The following WWTR1 variants were observed in gnomAD, a reference collection of about 807,000 sequenced individuals.
The protein encoded by WWTR1 is WW domain-containing transcription regulator protein 1.
A neutral mutation model predicts 40.1 loss-of-function variants in WWTR1; 13 were observed. The ratio of observed to expected loss-of-function variants is 0.32; its 90% confidence interval spans 0.21 to 0.52. WWTR1 has a LOEUF of 0.52. Among genes scored for constraint, WWTR1 ranks in the 20% least tolerant of loss-of-function variants. WWTR1 has a pLI of 0.97. For synonymous variants in WWTR1, 230 were observed against 210.1 expected (o/e 1.09, Z -0.82); for missense variants, 436 against 523.1 (o/e 0.83, Z 1.63).
chr3:149,595,625 A>C (rs1738964637), intron 2 of WWTR1, among the ~76,000 whole-genome samples: 1 of 152,204 alleles, frequency 6.6e-6, no homozygotes, highest in Non-Finnish European at 1.5e-5. Context: ...ATTTTATTAC[A>C]TAAAATGTGA....
intron 4 of WWTR1, among the ~76,000 whole-genome samples, chr3:149,533,122 T>A (rs1735668398): frequency 6.6e-6 from 1 of 152,146 alleles, no homozygotes; most frequent in African/African-American, 2.4e-5. Flanking sequence ...CCTTCCAGGG[T>A]CCCCTCTGTG....
intron 2 of WWTR1, among the ~76,000 whole-genome samples, chr3:149,663,079 C>T (rs1713652853): frequency 6.6e-6 from 1 of 152,138 alleles, no homozygotes. Flanking sequence ...GTCACCCAGG[C>T]TGGAGTGCAA....
chr3:149,610,105 T>C (rs1456176437), intron 2 of WWTR1, among the ~76,000 whole-genome samples: 1 of 152,234 alleles, frequency 6.6e-6, no homozygotes, highest in Non-Finnish European at 1.5e-5. Context: ...AAAGCATTTT[T>C]GTTTTCCCTT....
At chr3:149,666,513 A>G in intron 2 of WWTR1, among the ~76,000 whole-genome samples, 1 of 152,244 alleles carries the variant, frequency 6.6e-6, no homozygotes, top group South Asian at 2.1e-4. Flanking sequence ...GATTGAAGAC[A>G]TCTCAATCTA....
intron 2 of WWTR1, among the ~76,000 whole-genome samples, chr3:149,635,626 A>G (rs961969016): frequency 6.6e-6 from 1 of 151,744 alleles, no homozygotes; most frequent in Non-Finnish European, 1.5e-5. Flanking sequence ...AGGAGGAAGG[A>G]GAAAGGAGGA....
At chr3:149,555,814 C>T (rs1736802573) in intron 3 of WWTR1, among the ~76,000 whole-genome samples, 2 of 152,218 alleles carry the variant, frequency 1.3e-5, no homozygotes, top group South Asian at 4.1e-4. Context: ...AGGTCCCTGC[C>T]CTGTAGGAGA....
rs758013561 is a variant in WWTR1 at position 149,652,620 on chromosome 3, C to CAAAAAAAAAAAAAAAA, written c.431+4240_431+4255dup. On this transcript the variant is annotated intron_variant, in intron 2 of 6. Coordinates refer to ENST00000360632, the MANE Select transcript of WWTR1 (RefSeq NM_015472.6). Reference sequence around the variant, plus strand: ...TGGGTGACAGAGACAGACCCCATCTCAAAAAAAAAAAAAAAAAAAAAAAAA... The same window carrying CAAAAAAAAAAAAAAAA: ...TGGGTGACAGAGACAGACCCCATCTCAAAAAAAAAAAAAAAAAAAAAAAAAAAAAAAAAAAAAAAAA... Among the ~76,000 whole-genome samples, 4 of 20,230 alleles carry CAAAAAAAAAAAAAAAA rather than the reference C, an allele frequency of 2.0e-4. 1 individual carries two copies. The highest frequency in any genetic ancestry group is 3.0e-4 in the Non-Finnish European group (3 of 9,894). 13.3% of individuals were successfully genotyped at this position (20,230 alleles called of 152,430 possible).
At chr3:149,537,898 A>G (rs1735908006) in intron 4 of WWTR1, among the ~76,000 whole-genome samples, 1 of 152,138 alleles carries the variant, frequency 6.6e-6, no homozygotes, top group Non-Finnish European at 1.5e-5. Flanking sequence ...GCTAATCACT[A>G]AAGTAACTCA....
chr3:149,588,477 C>A (rs1249924567), intron 2 of WWTR1, among the ~76,000 whole-genome samples: 2 of 152,136 alleles, frequency 1.3e-5, no homozygotes, highest in African/African-American at 2.4e-5. Flanking sequence ...TTGTTTCTAT[C>A]TTTAGTGTAT....
chr3:149,692,003 G>A (rs1459293501), intron 1 of WWTR1, among the ~76,000 whole-genome samples: 3 of 151,820 alleles, frequency 2.0e-5, no homozygotes, highest in South Asian at 2.1e-4. Flanking sequence ...GTGACAGAGC[G>A]AGACTCCGTC....
Position 149,519,252 on chromosome 3 carries a change from T to C in WWTR1, c.*1553A>G, listed in dbSNP as rs921158441. 6.6e-6 allele frequency: 1 copy of C among 152,206 alleles called. No individual in the cohort carries two copies. Among genetic ancestry groups the C allele is most frequent in the African/African-American group, 2.4e-5 (1 of 41,444 alleles). 9.4% of individuals were successfully genotyped at this position (152,206 alleles called of 1,614,324 possible). On this transcript the variant is annotated 3_prime_UTR_variant, in exon 7 of 7. Coordinates refer to ENST00000360632, the MANE Select transcript of WWTR1 (RefSeq NM_015472.6). Reference sequence around the variant, plus strand: ...AAAATGGTTTTGGTTACATAAGAGGTATTGAATACATATTTCATGCCTTTT... The same window carrying C: ...AAAATGGTTTTGGTTACATAAGAGGCATTGAATACATATTTCATGCCTTTT...
chr3:149,607,016 G>A (rs1023313725), intron 2 of WWTR1, among the ~76,000 whole-genome samples: 9 of 152,140 alleles, frequency 5.9e-5, no homozygotes, highest in Admixed American at 1.3e-4. Context: ...TATTGGTTAC[G>A]GTTATAATAC....
At chr3:149,724,191 C>G (rs1715821680) in exon 4 of WWTR1, 1 of 152,106 alleles carries the variant, frequency 6.6e-6, no homozygotes, top group Non-Finnish European at 1.5e-5. Flanking sequence ...TTTTCAAAAA[C>G]TTTTTATAGT....
intron 2 of WWTR1, among the ~76,000 whole-genome samples, chr3:149,585,511 C>A (rs1738379280): frequency 6.6e-6 from 1 of 152,070 alleles, no homozygotes; most frequent in Non-Finnish European, 1.5e-5. Flanking sequence ...AAACACAGGT[C>A]TAGCTAACCA....
intron 2 of WWTR1, among the ~76,000 whole-genome samples, chr3:149,576,878 G>T (rs1413582516): frequency 4.6e-5 from 7 of 152,144 alleles, no homozygotes; most frequent in Admixed American, 3.9e-4. Context: ...GAAAATTGAT[G>T]CATGAATACA....
chr3:149,605,412 T>C (rs896436461), intron 2 of WWTR1, among the ~76,000 whole-genome samples: 1 of 151,876 alleles, frequency 6.6e-6, no homozygotes, highest in African/African-American at 2.4e-5. Flanking sequence ...ATGGAGGAAA[T>C]GTATGAGGCG....
chr3:149,663,075 C>T (rs1286836768), intron 2 of WWTR1, among the ~76,000 whole-genome samples: 1 of 152,122 alleles, frequency 6.6e-6, no homozygotes, highest in African/African-American at 2.4e-5. Flanking sequence ...CTCTGTCACC[C>T]AGGCTGGAGT....
chr3:149,622,450 A>AAAGGAAGGAAGGAAGGAAGG (rs1217598530), intron 2 of WWTR1, among the ~76,000 whole-genome samples: 26 of 98,600 alleles, frequency 2.6e-4, no homozygotes, highest in South Asian at 7.2e-4. Context: ...AGAAAGAAAG[A>AAAGGAAGGAAGGAAGGAAGG]AAGGAAGGAA....
At chr3:149,596,900 C>T (rs1247035981) in intron 2 of WWTR1, among the ~76,000 whole-genome samples, 1 of 152,172 alleles carries the variant, frequency 6.6e-6, no homozygotes, top group Non-Finnish European at 1.5e-5. Flanking sequence ...GGGCAAATTA[C>T]TTAATCTCTT....
Sources: allele counts gnomAD v4.1 joint callset (sites outside exome capture counted in the v4.1 genomes callset), GRCh38; gene constraint gnomAD v4.1.1; transcripts MANE v1.5; gene names NCBI Gene and HGNC (gene_info 2026-07-23, HGNC 2026-07-21).